The following VAMP7 variants were observed in gnomAD, a reference collection of about 807,000 sequenced individuals.
VAMP7 encodes vesicle associated membrane protein 7, also known as vesicle-associated membrane protein 7.
VAMP7 carries 14 observed loss-of-function variants against 29.6 expected under a neutral mutation model. The ratio of observed to expected loss-of-function variants is 0.47; its 90% CI spans 0.31 to 0.74. The LOEUF (loss-of-function observed/expected upper bound fraction) is 0.74. VAMP7 is among the 30% of genes least tolerant of loss of function. VAMP7 has a pLI of 0.05. For synonymous variants in VAMP7, 95 were observed against 88.1 expected (o/e 1.08, Z -0.44); for missense variants, 223 against 262.4 (o/e 0.85, Z 1.04).
At chrX:155,896,168 A>C (rs1376917133) in intron 3 of VAMP7, among the ~76,000 whole-genome samples, 1 of 152,206 alleles carries the variant, frequency 6.6e-6, no homozygotes, top group Non-Finnish European at 1.5e-5. Flanking sequence ...CATATAGAGC[A>C]GCAAATGTTA....
At chrX:155,932,011 T>C (rs2066565950) in intron 6 of VAMP7, among the ~76,000 whole-genome samples, 1 of 152,138 alleles carries the variant, frequency 6.6e-6, no homozygotes, top group South Asian at 2.1e-4. Flanking sequence ...AAAGATGACA[T>C]GGTTGTAGAT....
At position 155,898,006 on chromosome X, in the gene VAMP7, TAATCATTGCTCAGTA is replaced by T. The variant is rs1404775512; in HGVS notation, c.205-102_205-88del. On this transcript the variant is annotated intron_variant, in intron 3 of 7. Transcript: ENST00000286448. Reference sequence around the variant, plus strand: ...GGATCAATGCTAGTTCCTCCTCAGATAATCATTGCTCAGTAAATGTTAGCTGTTTTTTATTGTTGT... The same window carrying T: ...GGATCAATGCTAGTTCCTCCTCAGATAATGTTAGCTGTTTTTTATTGTTGT... 6 of 1,387,206 alleles carry T rather than the reference TAATCATTGCTCAGTA, an allele frequency of 4.3e-6. No homozygotes were observed. In the African/African-American group the frequency reaches 8.7e-5, roughly 20 times the overall value. The allele number at this position is 1,387,206 out of a possible 1,614,324, so 85.9% of individuals were successfully genotyped here. A position where few individuals can be genotyped will look rare whatever the true frequency, so the allele number is the denominator to read the frequency against.
intron 1 of VAMP7, among the ~76,000 whole-genome samples, chrX:155,887,334 C>T (rs1216383218): frequency 3.9e-5 from 6 of 151,976 alleles, no homozygotes; most frequent in African/African-American, 9.7e-5. Flanking sequence ...GAATCAGTCC[C>T]GGAGGAAAGT....
chrX:155,901,331 G>A (rs1010013274), intron 5 of VAMP7, among the ~76,000 whole-genome samples: 5 of 151,900 alleles, frequency 3.3e-5, no homozygotes, highest in African/African-American at 9.7e-5. Context: ...TAGAGAATCT[G>A]TTGAGACAAC....
chrX:155,896,145 AT>A (rs1169326619), intron 3 of VAMP7, among the ~76,000 whole-genome samples: 1 of 152,120 alleles, frequency 6.6e-6, no homozygotes, highest in Admixed American at 6.6e-5. Context: ...AATTGTTAAT[AT>A]TTTGCATTTG....
chrX:155,930,869 C>T (rs1438126523), intron 6 of VAMP7, among the ~76,000 whole-genome samples: 6 of 151,970 alleles, frequency 3.9e-5, no homozygotes, highest in Non-Finnish European at 5.9e-5. Context: ...CCTCCCACCA[C>T]CCCACAACAG....
At chrX:155,931,959 T>C (rs1228467371) in intron 6 of VAMP7, among the ~76,000 whole-genome samples, 1 of 152,170 alleles carries the variant, frequency 6.6e-6, no homozygotes, top group Non-Finnish European at 1.5e-5. Context: ...ATTTGTTAAA[T>C]AGGGAATCCT....
intron 6 of VAMP7, among the ~76,000 whole-genome samples, chrX:155,933,469 A>G (rs998177991): frequency 6.6e-6 from 1 of 152,150 alleles, no homozygotes; most frequent in African/African-American, 2.4e-5. Context: ...CATTTCTTCT[A>G]GATTTTCTAG....
intron 1 of VAMP7, among the ~76,000 whole-genome samples, chrX:155,883,942 C>T (rs1485053851): frequency 6.6e-6 from 1 of 151,540 alleles, no homozygotes; most frequent in Non-Finnish European, 1.5e-5. Flanking sequence ...TCTCGAACTC[C>T]TGACCTCAGG....
rs766827269 is a variant in VAMP7, at chrX:155,883,707, CTT to C, written c.-10+2279_-10+2280del. Among the ~76,000 whole-genome samples, 819 of 125,406 alleles carry C rather than the reference CTT, an allele frequency of 6.5e-3. 1 individual carries two copies. The highest frequency in any genetic ancestry group is 8.6e-3 in the Middle Eastern group (2 of 232). The allele number at this position is 125,406 out of a possible 152,430, so 82.3% of individuals were successfully genotyped here. ...TGGTTTCTACTTGGTAGAAACACATCTTTTTTTTTTTTTTTTTTTTTGAGACG... is the reference window on the plus strand; with the variant it reads ...TGGTTTCTACTTGGTAGAAACACATCTTTTTTTTTTTTTTTTTTTGAGACG... On this transcript the variant is annotated intron_variant, in intron 1 of 7. Coordinates refer to ENST00000286448, the MANE Select transcript of VAMP7 (RefSeq NM_005638.6).
At chrX:155,909,415 C>G (rs2066201520) in intron 5 of VAMP7, among the ~76,000 whole-genome samples, 1 of 152,028 alleles carries the variant, frequency 6.6e-6, no homozygotes, top group Admixed American at 6.6e-5. Flanking sequence ...ATTGATCTTT[C>G]TAAAGAACCA....
intron 1 of VAMP7, among the ~76,000 whole-genome samples, chrX:155,888,760 T>G (rs1411664875): frequency 6.6e-6 from 1 of 152,164 alleles, no homozygotes; most frequent in Non-Finnish European, 1.5e-5. Context: ...ATACTGGCAG[T>G]GTACAGTAAA....
chrX:155,882,163 T>C (rs2065810133), intron 1 of VAMP7, among the ~76,000 whole-genome samples: 1 of 152,182 alleles, frequency 6.6e-6, no homozygotes, highest in Non-Finnish European at 1.5e-5. Context: ...AGGATATTAA[T>C]TCCCTTTGAA....
At chrX:155,914,786 G>A (rs781451453) in intron 5 of VAMP7, among the ~76,000 whole-genome samples, 28 of 152,168 alleles carry the variant, frequency 1.8e-4, no homozygotes, top group African/African-American at 4.8e-4. Context: ...GAGGATTTTC[G>A]CATCAGTGTT....
At chrX:155,899,248 T>C (rs1467723181) in intron 4 of VAMP7, among the ~76,000 whole-genome samples, 2 of 151,980 alleles carry the variant, frequency 1.3e-5, no homozygotes, top group Non-Finnish European at 2.9e-5. Context: ...TACCATTTTA[T>C]ATTCTCACCA....
chrX:155,883,707 CTTTT>C (rs766827269), intron 1 of VAMP7, among the ~76,000 whole-genome samples: 5 of 125,476 alleles, frequency 4.0e-5, no homozygotes, highest in Admixed American at 1.6e-4. Flanking sequence ...AGAAACACAT[CTTTT>C]TTTTTTTTTT....
rs764524780 is a variant in VAMP7 at position 155,882,079 on chromosome X, G to C, written c.-10+631G>C. On this transcript the variant is annotated intron_variant, in intron 1 of 7. Coordinates refer to ENST00000286448, the MANE Select transcript of VAMP7 (RefSeq NM_005638.6). ...CACAACCAACCAACTGTCTTCATTT[G>C]GCCTCATTAATTGCTTTCAACTACC... Among the ~76,000 whole-genome samples, 3 of 152,180 alleles carry C rather than the reference G, an allele frequency of 2.0e-5. No homozygotes were observed. The East Asian group carries it at 5.8e-4, about 29-fold the overall frequency.
chrX:155,940,155 A>T (rs1267768110), intron 7 of VAMP7, among the ~76,000 whole-genome samples: 6 of 152,072 alleles, frequency 3.9e-5, no homozygotes, highest in Non-Finnish European at 8.8e-5. Context: ...GCAAATGCTG[A>T]TAATTATAAT....
At chrX:155,938,512 A>G (rs2066695844) in intron 6 of VAMP7, among the ~76,000 whole-genome samples, 1 of 152,214 alleles carries the variant, frequency 6.6e-6, no homozygotes, top group Admixed American at 6.5e-5. Flanking sequence ...TTGTGTTTTC[A>G]CAAAGTAAAC....
Sources: allele counts gnomAD v4.1 joint callset (sites outside exome capture counted in the v4.1 genomes callset), GRCh38; gene constraint gnomAD v4.1.1; transcripts MANE v1.5; gene names NCBI Gene and HGNC (gene_info 2026-07-23, HGNC 2026-07-21).